CTCFL: variants seen among roughly 807,000 people sequenced by gnomAD.
The protein encoded by CTCFL is transcriptional repressor CTCFL.
Under a neutral mutation model 67.4 loss-of-function variants are expected in CTCFL, and 36 were observed. The ratio of observed to expected loss-of-function variants is 0.53; its 90% confidence interval spans 0.41 to 0.71. The LOEUF is 0.71. Ranked by LOEUF, CTCFL falls within the 30% of genes least tolerant of loss-of-function variation. The probability of loss-of-function intolerance (pLI) is 0.00; values close to 1 mark genes in which losing one functional copy is unlikely to be tolerated. For synonymous variants in CTCFL, 324 were observed against 302.3 expected (o/e 1.07, Z -0.75); for missense variants, 786 against 835.2 (o/e 0.94, Z 0.73).
intron 9 of CTCFL, chr20:57,507,250 G>C (rs1386498169): frequency 7.6e-6 from 2 of 264,486 alleles, no homozygotes; most frequent in Non-Finnish European, 1.4e-5. Flanking sequence ...GGAGGCCAGT[G>C]GCACAATCTC....
chr20:57,507,871 C>T (rs1353312379), intron 9 of CTCFL: 2 of 702,874 alleles, frequency 2.8e-6, no homozygotes, highest in African/African-American at 3.5e-5. Flanking sequence ...ATAACTAATA[C>T]AACACCTAAA....
chr20:57,509,378 C>A (rs113580106), intron 8 of CTCFL, among the ~76,000 whole-genome samples: 6,848 of 151,274 alleles, frequency 0.045, 489 homozygotes, highest in African/African-American at 0.16. Flanking sequence ...ATCCTCCTGC[C>A]TCAGCCTCCT....
chr20:57,515,773 T>C lies in CTCFL; in HGVS notation c.1121A>G (p.Gln374Arg). 6.2e-7 allele frequency: 1 copy of C among 1,614,190 alleles called. No individual in the cohort carries two copies. Among genetic ancestry groups the C allele is most frequent in the Non-Finnish European group, 8.5e-7 (1 of 1,180,034 alleles). The change falls in exon 6 of 11, where the codon CAG becomes CGG. Residue 374 changes from glutamine (Q) to arginine (R), a missense_variant. By Grantham distance (43) the Gln-to-Arg change is conservative (BLOSUM62 1). Coordinates refer to ENST00000243914, the MANE Select transcript of CTCFL (RefSeq NM_001386993.1). ...HTGERPFQCC[Q>R]CSYASRDTYK... Reference sequence around the variant, plus strand: ...GGTATCTCTGCTGGCATAGCTGCACTGGCAACACTGAAAGGGGCGCTCCCC... The same window carrying C: ...GGTATCTCTGCTGGCATAGCTGCACCGGCAACACTGAAAGGGGCGCTCCCC...
At position 57,498,096 on chromosome 20, in the gene CTCFL, G is replaced by C. The variant is rs1254894253; in HGVS notation, c.*454C>G. 1.1e-6 allele frequency: 1 copy of C among 931,194 alleles called. No homozygotes were observed. The highest frequency in any genetic ancestry group is 1.8e-5 in the African/African-American group (1 of 56,062). The allele number at this position is 931,194 out of a possible 1,614,324, so 57.7% of individuals were successfully genotyped here. ...ATATATTATTAGAAATATCATGGGT[G>C]TATATAATGCAACATAAAAATGTCC... On this transcript the variant is annotated 3_prime_UTR_variant, in exon 11 of 11. Coordinates refer to ENST00000243914, the MANE Select transcript of CTCFL (RefSeq NM_001386993.1).
intron 5 of CTCFL, 60 bp from the exon 6 acceptor site, chr20:57,515,894 A>G (rs1469337866): frequency 2.0e-6 from 3 of 1,527,750 alleles, no homozygotes; most frequent in African/African-American, 1.4e-5. Context: ...AGAGTCTTCC[A>G]TTAATCAGCA....
In CTCFL at chr20:57,519,311, C is replaced by A. The variant is rs150851397; in HGVS notation, c.821G>T (p.Arg274Leu). ...FTSSRMSSFN[R>L]HMKTHTSEKP... ...CTCACTGGTGTGAGTTTTCATATGA[C>A]GATTAAAACTTGACATTCTAGAAGA... The change falls in exon 4 of 11, where the codon CGT becomes CTT. Residue 274 changes from arginine to leucine, a missense_variant. This residue lies in a region of CTCFL where 254 missense variants were observed against 333.9 expected (regional missense o/e 0.76). Coordinates refer to ENST00000243914, the MANE Select transcript of CTCFL (RefSeq NM_001386993.1). 1 of 1,613,914 alleles carries A rather than the reference C, an allele frequency of 6.2e-7. No homozygotes were observed. Among genetic ancestry groups the A allele is most frequent in the East Asian group, 2.2e-5 (1 of 44,890 alleles).
chr20:57,501,691 C>T (rs977390512), intron 10 of CTCFL, among the ~76,000 whole-genome samples: 1 of 152,070 alleles, frequency 6.6e-6, no homozygotes, highest in Non-Finnish European at 1.5e-5. Flanking sequence ...CGGAGGATGG[C>T]GGGAACTCCA....
Position 57,498,523 on chromosome 20 carries a change from G to A in CTCFL, c.*27C>T, listed in dbSNP as rs746158810. 2 of 1,600,440 alleles carry A rather than the reference G, an allele frequency of 1.2e-6. No homozygotes were observed. ...TTCTAACTTGCTTTAGGAATTGGGGGCAGTGAACACGCAACCCGAATCCCT... is the reference window on the plus strand; with the variant it reads ...TTCTAACTTGCTTTAGGAATTGGGGACAGTGAACACGCAACCCGAATCCCT... On this transcript the variant is annotated 3_prime_UTR_variant, in exon 11 of 11. Transcript: ENST00000243914.
downstream of CTCFL, among the ~76,000 whole-genome samples, chr20:57,496,594 C>T (rs959731688): frequency 3.9e-5 from 6 of 152,200 alleles, no homozygotes; most frequent in Non-Finnish European, 5.9e-5. Context: ...TAAACACTAA[C>T]TCTCCATTCT....
intron 9 of CTCFL, among the ~76,000 whole-genome samples, chr20:57,504,520 G>A (rs182032228): frequency 3.5e-4 from 53 of 151,772 alleles, no homozygotes; most frequent in Non-Finnish European, 6.5e-4. Context: ...GACCTCAAGT[G>A]ATCCACCTGC....
At chr20:57,518,987 G>A in intron 4 of CTCFL, 96 bp from the exon 5 acceptor site, 1 of 1,423,606 alleles carries the variant, frequency 7.0e-7, no homozygotes, top group Non-Finnish European at 9.5e-7. Flanking sequence ...TCTCAAAAAT[G>A]CTTTAAAAAT....
chr20:57,499,687 T>TG, intron 10 of CTCFL: 1 of 189,680 alleles, frequency 5.3e-6, no homozygotes. Context: ...CAGTCCCATC[T>TG]GGGGGTGATG....
At chr20:57,506,785 G>C (rs2068228858) in intron 9 of CTCFL, 1 of 984,750 alleles carries the variant, frequency 1.0e-6, no homozygotes, top group South Asian at 4.7e-5. Context: ...TTGCACCAAA[G>C]AGCAGTTTTT....
intron 3 of CTCFL, among the ~76,000 whole-genome samples, chr20:57,521,263 A>G (rs953310161): frequency 1.3e-5 from 2 of 152,178 alleles, no homozygotes; most frequent in African/African-American, 4.8e-5. Flanking sequence ...TTGAATAGCC[A>G]TTTTTTCCAA....
At chr20:57,500,746 C>A (rs958198591) in intron 10 of CTCFL, among the ~76,000 whole-genome samples, 1 of 151,932 alleles carries the variant, frequency 6.6e-6, no homozygotes, top group African/African-American at 2.4e-5. Context: ...TTCTCCATAG[C>A]AAAAATGTCA....
intron 6 of CTCFL, 107 bp from the exon 7 acceptor site, chr20:57,514,848 C>T (rs2068802712): frequency 8.4e-7 from 1 of 1,191,858 alleles, no homozygotes; most frequent in Non-Finnish European, 1.2e-6. Context: ...CTTTATCAAC[C>T]CCCTTCTCAC....
At chr20:57,506,766 T>G in intron 9 of CTCFL, 1 of 983,358 alleles carries the variant, frequency 1.0e-6, no homozygotes, top group Non-Finnish European at 1.2e-6. Flanking sequence ...TTCTCTACAT[T>G]TTTATTTCTT....
intron 9 of CTCFL, among the ~76,000 whole-genome samples, chr20:57,505,049 G>T (rs1478720682): frequency 6.6e-6 from 1 of 151,844 alleles, no homozygotes; most frequent in Non-Finnish European, 1.5e-5. Context: ...ACAAGAGTCG[G>T]CTTCCCCAAA....
chr20:57,505,403 G>C (rs972612008), intron 9 of CTCFL, among the ~76,000 whole-genome samples: 13 of 151,610 alleles, frequency 8.6e-5, no homozygotes, highest in Non-Finnish European at 1.9e-4. Context: ...CTACAGGCAT[G>C]TGCCACCACG....
Sources: allele counts gnomAD v4.1 joint callset (sites outside exome capture counted in the v4.1 genomes callset), GRCh38; gene constraint gnomAD v4.1.1; regional missense constraint gnomAD v4.1.1; transcripts MANE v1.5; gene names NCBI Gene and HGNC (gene_info 2026-07-23, HGNC 2026-07-21).